The following RYR1 variants were observed in gnomAD, a reference collection of about 807,000 sequenced individuals.
The protein encoded by RYR1 is ryanodine receptor 1.
In RYR1, 342 loss-of-function variants were observed where a neutral mutation model predicts 583.5. The ratio of observed to expected loss-of-function variants is 0.59; its 90% CI spans 0.54 to 0.64. The LOEUF is 0.64. Ranked by LOEUF, RYR1 falls within the 30% of genes least tolerant of loss-of-function variation. The pLI is 0.00. For synonymous variants in RYR1, 2,791 were observed against 2,822.5 expected (o/e 0.99, Z 0.35); for missense variants, 6,032 against 6,917.2 (o/e 0.87, Z 4.54).
At chr19:38,476,646 A>G (rs1297171655) in intron 29 of RYR1, among the ~76,000 whole-genome samples, 1 of 152,044 alleles carries the variant, frequency 6.6e-6, no homozygotes, top group African/African-American at 2.4e-5. Flanking sequence ...GATTCTTACA[A>G]GGAGTACTCA....
intron 13 of RYR1, among the ~76,000 whole-genome samples, chr19:38,454,012 C>T (rs187720827): frequency 8.5e-4 from 129 of 152,258 alleles, no homozygotes; most frequent in African/African-American, 3.0e-3. Flanking sequence ...ATCTAGGCCC[C>T]AGGATGCAGA....
In RYR1 at chr19:38,483,640, G is replaced by C; in HGVS notation, c.4934+124G>C. 3.5e-6 allele frequency: 3 copies of C among 855,326 alleles called. No individual in the cohort carries two copies. In the South Asian group the frequency reaches 4.7e-5, roughly 13 times the overall value. The allele number at this position is 855,326 out of a possible 1,614,324, so 53.0% of individuals were successfully genotyped here. A position where few individuals can be genotyped will look rare whatever the true frequency, so the allele number is the denominator to read the frequency against. ...CCAGACTACACCCCAGGAATCTCCA[G>C]ACCTACCTCAGGGGACTCGGGCTCA... is the stretch of plus-strand genomic sequence containing the variant. On this transcript the variant is annotated intron_variant, in intron 33 of 105. Coordinates refer to ENST00000359596, the MANE Select transcript of RYR1 (RefSeq NM_000540.3). The surrounding 1 kb of genome is among the most constrained non-coding windows in gnomAD (Gnocchi z 6.3).
intron 93 of RYR1, among the ~76,000 whole-genome samples, chr19:38,569,086 C>G (rs1973587895): frequency 6.6e-6 from 1 of 152,048 alleles, no homozygotes; most frequent in African/African-American, 2.4e-5. Flanking sequence ...TCTCGGCTCA[C>G]TGCAAGCTCT....
chr19:38,518,401 TAAAA>T (rs10714494), intron 66 of RYR1, among the ~76,000 whole-genome samples: 3 of 113,794 alleles, frequency 2.6e-5, no homozygotes, highest in Non-Finnish European at 5.5e-5. Flanking sequence ...CTCTATTATT[TAAAA>T]AAAAAAAAAA....
intron 84 of RYR1, among the ~76,000 whole-genome samples, chr19:38,539,462 T>C (rs1489100051): frequency 1.3e-5 from 2 of 152,022 alleles, no homozygotes; most frequent in Admixed American, 1.3e-4. Context: ...GATCTCAAAC[T>C]CCTGGATTCA....
rs111810861 is a variant in RYR1 at position 38,435,074 on chromosome 19, T to C, written c.45+1200T>C. Among the ~76,000 whole-genome samples, 362 of 152,206 alleles carry C rather than the reference T, an allele frequency of 2.4e-3. 2 individuals are homozygous for C. Among genetic ancestry groups the C allele is most frequent in the African/African-American group, 8.1e-3 (336 of 41,554 alleles). On this transcript the variant is annotated intron_variant, in intron 1 of 105. Transcript: ENST00000359596. ...CCCAGCCCTAATAAGACCATGGCCA[T>C]GGCCACTGGCTCTTGAGCTGTCGCT...
chr19:38,565,152 A>C lies in RYR1; in HGVS notation c.12818A>C (p.Glu4273Ala). Residue 4273 changes from glutamate to alanine, a missense_variant, in exon 91 of 106, where the codon GAA becomes GCA. Physicochemically the swap from Glu to Ala is moderately radical, Grantham distance 107. This residue lies in a region of RYR1 where 753 missense variants were observed against 759.6 expected (regional missense o/e 0.99). Coordinates refer to ENST00000359596, the MANE Select transcript of RYR1 (RefSeq NM_000540.3). This position sits in a 1 kb window ranked among gnomAD's most constrained non-coding sequence, Gnocchi z 4.7. The stretch of plus-strand genomic sequence containing the variant: ...GCGGGCGCGGCGGAGGCGGGCGCGG[A>C]AGGCGCGGAGGAGGGCGCGGCGGGG... ...EGAGAAEAGAEGAEEGAAGLE... is the reference protein window; with the variant it reads ...EGAGAAEAGAAGAEEGAAGLE... The C allele has an allele frequency of 6.6e-7, 1 of 1,514,520 alleles. No homozygotes were observed. The highest frequency in any genetic ancestry group is 1.2e-5 in the South Asian group (1 of 83,380). The allele number at this position is 1,514,520 out of a possible 1,614,324, so 93.8% of individuals were successfully genotyped here. A position where few individuals can be genotyped will look rare whatever the true frequency, so the allele number is the denominator to read the frequency against.
intron 35 of RYR1, among the ~76,000 whole-genome samples, 185 bp from the exon 36 acceptor site, chr19:38,489,891 A>G (rs1969474842): frequency 6.6e-6 from 1 of 152,180 alleles, no homozygotes; most frequent in Admixed American, 6.5e-5. Flanking sequence ...CGGCCTCCCA[A>G]AATGCTGGGA....
chr19:38,514,050 T>C (rs776163643), intron 63 of RYR1, among the ~76,000 whole-genome samples: 1 of 152,168 alleles, frequency 6.6e-6, no homozygotes, highest in Non-Finnish European at 1.5e-5. Flanking sequence ...TGTGTCTCTG[T>C]AGTGTCTTTA....
At chr19:38,582,135 T>C (rs35458693) in intron 101 of RYR1, among the ~76,000 whole-genome samples, 22,878 of 152,016 alleles carry the variant, frequency 0.15, 2,696 homozygotes, top group African/African-American at 0.31. Context: ...CGGTGGCTCA[T>C]GCCTGTAATC....
intron 3 of RYR1, among the ~76,000 whole-genome samples, chr19:38,443,164 C>T (rs1972775569): frequency 1.3e-5 from 2 of 152,130 alleles, no homozygotes; most frequent in Non-Finnish European, 2.9e-5. Context: ...CGGGCTGCAG[C>T]GCAGCATGAT....
intron 71 of RYR1, 112 bp downstream of exon 71, chr19:38,525,614 G>A (rs1971434668): frequency 3.3e-6 from 4 of 1,211,442 alleles, no homozygotes; most frequent in African/African-American, 3.0e-5. Flanking sequence ...AGGTCCCTGG[G>A]AGCCTTCCCT....
Position 38,444,776 on chromosome 19 carries a change from C to T in RYR1, c.631+99C>T, listed in dbSNP as rs1457313587. On this transcript the variant is annotated intron_variant, in intron 7 of 105. Coordinates refer to ENST00000359596, the MANE Select transcript of RYR1 (RefSeq NM_000540.3). This position sits in a 1 kb window ranked among gnomAD's most constrained non-coding sequence, Gnocchi z 5.1. ...CCAAATGGAGCCTTGGAACCTCAGA[C>T]CTCAAACCTAGATCTCCAAATTATG... 11 of 906,402 alleles carry T rather than the reference C, an allele frequency of 1.2e-5. No homozygotes were observed. The highest frequency in any genetic ancestry group is 1.8e-5 in the Non-Finnish European group (10 of 563,256). 56.1% of individuals were successfully genotyped at this position (906,402 alleles called of 1,614,324 possible).
intron 93 of RYR1, among the ~76,000 whole-genome samples, chr19:38,570,386 A>T (rs1792100951): frequency 6.6e-6 from 1 of 152,188 alleles, no homozygotes; most frequent in Non-Finnish European, 1.5e-5. Flanking sequence ...CGGGCGGCAG[A>T]GGTTGCAGTG....
At chr19:38,535,733 C>G (rs546160197) in intron 81 of RYR1, 1 of 594,004 alleles carries the variant, frequency 1.7e-6, no homozygotes, top group African/African-American at 1.9e-5. Flanking sequence ...CTCTTGCTGC[C>G]GGCTGATTTT....
chr19:38,454,867 AGTTGGTGGGAGTGGGGTTCCAGTTGGATG>A (rs1320017934), intron 13 of RYR1, among the ~76,000 whole-genome samples: 2 of 151,704 alleles, frequency 1.3e-5, no homozygotes, highest in Non-Finnish European at 2.9e-5. Flanking sequence ...GGGCCTCTCC[AGTTGGTGGGAGTGGGGTTCCAGTTGGATG>A]GTTGGTGGGA....
intron 66 of RYR1, among the ~76,000 whole-genome samples, chr19:38,518,579 TG>T (rs1248537629): frequency 1.3e-5 from 2 of 151,838 alleles, no homozygotes; most frequent in Non-Finnish European, 2.9e-5. Flanking sequence ...GGTAAGACTC[TG>T]GGTATGGGCC....
Position 38,492,686 on chromosome 19 carries a change from C to T in RYR1, c.6274+50C>T, listed in dbSNP as rs367671018. The T allele has an allele frequency of 1.6e-5, 25 of 1,561,036 alleles. No homozygotes were observed. The East Asian group carries it at 1.6e-4, about 10-fold the overall frequency. On this transcript the variant is annotated intron_variant, in intron 38 of 105. Transcript: ENST00000359596. ...AGGGCAGGGGTGGGGTGGGTAGCCCCATGCCTGCGGAGCCTCTGGGTCCCA... is the reference window on the plus strand; with the variant it reads ...AGGGCAGGGGTGGGGTGGGTAGCCCTATGCCTGCGGAGCCTCTGGGTCCCA...
At chr19:38,546,237 C>T (rs576883988) in intron 87 of RYR1, among the ~76,000 whole-genome samples, 6 of 152,178 alleles carry the variant, frequency 3.9e-5, no homozygotes, top group African/African-American at 1.4e-4. Context: ...CTATCGAGCC[C>T]GTCCCCCAAG....
Sources: gnomAD v4.1 joint callset for allele counts (sites outside exome capture counted in the v4.1 genomes callset) on GRCh38, gnomAD v4.1.1 for gene constraint, gnomAD v4.1.1 regional missense constraint, Gnocchi (gnomAD v3.1) non-coding constraint, MANE v1.5 for transcripts, NCBI Gene and HGNC (gene_info 2026-07-23, HGNC 2026-07-21) for gene names.